MACF1: variants seen among roughly 807,000 people sequenced by gnomAD.
The protein encoded by MACF1 is microtubule-actin cross-linking factor 1.
In MACF1, 193 loss-of-function variants were observed where a neutral mutation model predicts 854.8. The observed-to-expected ratio is 0.23, with a 90% CI of 0.20 to 0.25. MACF1 has a LOEUF of 0.25. Ranked by LOEUF, MACF1 falls within the 10% of genes least tolerant of loss-of-function variation. MACF1 has a pLI of 1.00. For missense variants in MACF1, 7,722 were observed against 8,929.1 expected, an observed-to-expected ratio of 0.86 and a Z score of 5.45; for synonymous variants, 3,185 against 3,226.7, an observed-to-expected ratio of 0.99 and a Z score of 0.44.
chr1:39,257,854 A>T, intron 5 of MACF1, 82 bp from the exon 6 acceptor site: 1 of 994,678 alleles, frequency 1.0e-6, no homozygotes, highest in Non-Finnish European at 1.6e-6. Context: ...GTTTAACTGT[A>T]AATCAATAAT....
intron 27 of MACF1, 64 bp downstream of exon 27, chr1:39,315,755 C>A: frequency 6.7e-7 from 1 of 1,488,692 alleles, no homozygotes; most frequent in Non-Finnish European, 9.2e-7. Context: ...AAGAGAAAGG[C>A]TTAAAGTATT....
intron 1 of MACF1, among the ~76,000 whole-genome samples, chr1:39,220,700 G>A (rs1351996612): frequency 6.6e-6 from 1 of 151,332 alleles, no homozygotes; most frequent in Non-Finnish European, 1.5e-5. Flanking sequence ...GGCCAGGCTG[G>A]TCTTGAACTC....
intron 46 of MACF1, 52 bp from the exon 47 acceptor site, chr1:39,359,089 T>C (rs1393417108): frequency 2.5e-6 from 4 of 1,606,624 alleles, no homozygotes; most frequent in Non-Finnish European, 3.4e-6. Flanking sequence ...ATTCCTAGAA[T>C]CATCTTTGAT....
chr1:39,335,395 G>C lies in MACF1; in HGVS notation c.8807G>C (p.Arg2936Thr). Residue 2936 changes from arginine (R) to threonine (T), a missense_variant, in exon 37 of 101, where the codon AGA becomes ACA. Transcript: ENST00000564288. ...STSCLDSEEIRENQGEVILEV... is the reference protein window; with the variant it reads ...STSCLDSEEITENQGEVILEV... ...TCATGTCTAGATTCTGAAGAAATAA[G>C]AGAAAATCAAGGGGAAGTGATTTTG... 6.2e-7 allele frequency: 1 copy of C among 1,614,086 alleles called. No homozygotes were observed. Among genetic ancestry groups the C allele is most frequent in the Non-Finnish European group, 8.5e-7 (1 of 1,179,984 alleles).
intron 2 of MACF1, among the ~76,000 whole-genome samples, chr1:39,233,178 G>T (rs2148307219): frequency 6.6e-6 from 1 of 152,240 alleles, no homozygotes; most frequent in South Asian, 2.1e-4. Context: ...GGGATTACAG[G>T]CATGCACCAC....
chr1:39,217,788 C>T (rs1469282119), intron 1 of MACF1, among the ~76,000 whole-genome samples: 2 of 148,702 alleles, frequency 1.3e-5, no homozygotes, highest in Admixed American at 1.4e-4. Flanking sequence ...GTTGGGGGCG[C>T]GGCTGAGGAG....
At chr1:39,416,314 A>C (rs1212661864) in intron 58 of MACF1, among the ~76,000 whole-genome samples, 1 of 151,960 alleles carries the variant, frequency 6.6e-6, no homozygotes, top group African/African-American at 2.4e-5. Flanking sequence ...GTACAAAGTG[A>C]AGACAGTAGG....
chr1:39,308,798 G>A (rs552592687), intron 23 of MACF1, among the ~76,000 whole-genome samples: 9 of 152,110 alleles, frequency 5.9e-5, no homozygotes, highest in African/African-American at 2.2e-4. Context: ...TGAGATTATA[G>A]GCATCTACCA....
chr1:39,300,420 C>T (rs1386549124), intron 22 of MACF1, 58 bp downstream of exon 22: 1 of 1,523,838 alleles, frequency 6.6e-7, no homozygotes, highest in African/African-American at 1.4e-5. Flanking sequence ...AGAAGGGAAG[C>T]CTTCAGTTAG....
rs1646432377 is a variant in MACF1 at position 39,317,396 on chromosome 1, G to T, written c.3771G>T (p.Gln1257His). ...LQERWHRVIAQLEIRQSELES... is the reference protein window; with the variant it reads ...LQERWHRVIAHLEIRQSELES... Reference sequence around the variant, plus strand: ...AGCGTTGGCACCGAGTCATTGCCCAGCTCGAGATTCGGTGAGTGGTGGCCC... The same window carrying T: ...AGCGTTGGCACCGAGTCATTGCCCATCTCGAGATTCGGTGAGTGGTGGCCC... The change falls in exon 29 of 101, where the codon CAG becomes CAT. Residue 1257 changes from glutamine (Q) to histidine (H), a missense_variant. Physicochemically the swap from Gln to His is conservative, Grantham distance 24. Transcript: ENST00000564288. The T allele has an allele frequency of 6.2e-7, 1 of 1,612,474 alleles. No individual in the cohort carries two copies. The highest frequency in any genetic ancestry group is 8.5e-7 in the Non-Finnish European group (1 of 1,179,822).
chr1:39,425,202 TTCTG>T (rs1271033284), intron 61 of MACF1, among the ~76,000 whole-genome samples: 3 of 152,158 alleles, frequency 2.0e-5, no homozygotes, highest in East Asian at 3.8e-4. Flanking sequence ...GCATGCTAAA[TTCTG>T]TCTATTTTAC....
At position 39,296,816 on chromosome 1, in the gene MACF1, AAGGAAGGAAGG is replaced by A. The variant is rs1557571558; in HGVS notation, c.2356-802_2356-792del. Among the ~76,000 whole-genome samples the A allele has an allele frequency of 3.9e-3, 416 of 106,610 alleles. 6 individuals carry two copies. Among genetic ancestry groups the A allele is most frequent in the African/African-American group, 0.011 (337 of 29,432 alleles). 69.9% of individuals were successfully genotyped at this position (106,610 alleles called of 152,430 possible). A position where few individuals can be genotyped will look rare whatever the true frequency, so the allele number is the denominator to read the frequency against. Reference sequence around the variant, plus strand: ...AGGAAGGAAGGAAAAGAAAGAAAGGAAGGAAGGAAGGAAGGAAGGAAGGAAGGAAAAGAAAG... The same window carrying A: ...AGGAAGGAAGGAAAAGAAAGAAAGGAAAGGAAGGAAGGAAGGAAAAGAAAG... On this transcript the variant is annotated intron_variant, in intron 20 of 100. Coordinates refer to ENST00000564288, the MANE Select transcript of MACF1 (RefSeq NM_001394062.1).
At chr1:39,227,669 G>A (rs530907886) in intron 1 of MACF1, among the ~76,000 whole-genome samples, 3 of 152,156 alleles carry the variant, frequency 2.0e-5, no homozygotes, top group South Asian at 2.1e-4. Flanking sequence ...GATAAAGTTC[G>A]GGTTCCTTAA....
chr1:39,379,529 G>T, intron 54 of MACF1, 85 bp downstream of exon 54: 1 of 1,464,902 alleles, frequency 6.8e-7, no homozygotes. Context: ...AGGTATCTGA[G>T]AGAGAGACAT....
Position 39,317,528 on chromosome 1 carries a change from T to A in MACF1, c.3782+121T>A, listed in dbSNP as rs978495421. On this transcript the variant is annotated intron_variant, in intron 29 of 100. Transcript: ENST00000564288. ...GAAATGGATAGGGAGGGGTGGAAAT[T>A]TAAAAACCACATAAATTCTGGACAA... 1.2e-5 allele frequency: 14 copies of A among 1,123,950 alleles called. No individual in the cohort carries two copies. The African/African-American group carries it at 1.9e-4, about 15-fold the overall frequency. The allele number at this position is 1,123,950 out of a possible 1,614,324, so 69.6% of individuals were successfully genotyped here.
intron 68 of MACF1, among the ~76,000 whole-genome samples, chr1:39,433,788 A>G (rs1331940808): frequency 6.6e-6 from 1 of 152,164 alleles, no homozygotes; most frequent in Non-Finnish European, 1.5e-5. Context: ...ATCCATTATA[A>G]TGGTATATTG....
chr1:39,372,491 G>T lies in MACF1; in HGVS notation c.13108G>T (p.Asp4370Tyr). 1.9e-6 allele frequency: 3 copies of T among 1,610,288 alleles called. No homozygotes were observed. In the South Asian group the frequency reaches 3.3e-5, roughly 18 times the overall value. The change falls in exon 52 of 101, where the codon GAC becomes TAC. Residue 4370 changes from aspartate (D) to tyrosine (Y), a missense_variant. Coordinates refer to ENST00000564288, the MANE Select transcript of MACF1 (RefSeq NM_001394062.1). ...QIEHLKSLLD[D>Y]WASKGTLVEE... ...CTTCTTTAAACAGAGTCTACTAGAT[G>T]ACTGGGCAAGTAAGGGAACTCTGGT...
At chr1:39,155,797 G>A (rs1643670782) in intron 2 of MACF1, among the ~76,000 whole-genome samples, 1 of 152,222 alleles carries the variant, frequency 6.6e-6, no homozygotes, top group African/African-American at 2.4e-5. Context: ...TTGGCTCACT[G>A]CAACTTCCGC....
At chr1:39,469,479 C>A in intron 96 of MACF1, 68 bp from the exon 97 acceptor site, 1 of 1,225,298 alleles carries the variant, frequency 8.2e-7, no homozygotes, top group Non-Finnish European at 1.2e-6. Context: ...GCCAATTTGT[C>A]TTTCTTGACT....
Sources: allele counts gnomAD v4.1 joint callset (sites outside exome capture counted in the v4.1 genomes callset), GRCh38; gene constraint gnomAD v4.1.1; transcripts MANE v1.5; gene names NCBI Gene and HGNC (gene_info 2026-07-23, HGNC 2026-07-21).